The following RRAS2 variants were observed in gnomAD, a reference collection of about 807,000 sequenced individuals.
The protein encoded by RRAS2 is RAS related 2, also known as ras-related protein R-Ras2.
RRAS2 carries 7 observed loss-of-function variants against 27.6 expected under a neutral mutation model. The ratio of observed to expected loss-of-function variants is 0.25; its 90% confidence interval spans 0.14 to 0.48. The LOEUF (loss-of-function observed/expected upper bound fraction) is 0.48. RRAS2 is among the 20% of genes least tolerant of loss of function. The probability of loss-of-function intolerance (pLI) is 0.99; values close to 1 mark genes in which losing one functional copy is unlikely to be tolerated. For synonymous variants in RRAS2, 86 were observed against 90.9 expected (o/e 0.95, Z 0.31); for missense variants, 178 against 256.2 (o/e 0.69, Z 2.08).
At chr11:14,288,415 A>G (rs1389209319) in intron 4 of RRAS2, among the ~76,000 whole-genome samples, 2 of 152,268 alleles carry the variant, frequency 1.3e-5, no homozygotes, top group African/African-American at 4.8e-5. Context: ...TTAACTAAGT[A>G]GAAATAGCAT....
chr11:14,313,048 T>C (rs144210824), intron 1 of RRAS2, among the ~76,000 whole-genome samples: 15 of 152,354 alleles, frequency 9.8e-5, no homozygotes, highest in Middle Eastern at 6.8e-3. Context: ...AAATATCTTA[T>C]GGCACACAAA....
intron 1 of RRAS2, among the ~76,000 whole-genome samples, chr11:14,342,644 A>G (rs1053157302): frequency 4.6e-5 from 7 of 152,226 alleles, no homozygotes; most frequent in African/African-American, 1.7e-4. Flanking sequence ...GCTATAGAAC[A>G]TGATATTATA....
At chr11:14,290,997 T>C (rs1316308244) in intron 4 of RRAS2, among the ~76,000 whole-genome samples, 1 of 152,004 alleles carries the variant, frequency 6.6e-6, no homozygotes, top group Non-Finnish European at 1.5e-5. Context: ...TGTCCATGAG[T>C]TGGTGAGAAG....
rs2134048736 is a variant in RRAS2, at chr11:14,358,808, G to T, written c.63C>A (p.Gly21=). 1 of 1,488,616 alleles carries T rather than the reference G, an allele frequency of 6.7e-7. No homozygotes were observed. The highest frequency in any genetic ancestry group is 9.0e-7 in the Non-Finnish European group (1 of 1,113,010). 92.2% of individuals were successfully genotyped at this position (1,488,616 alleles called of 1,614,324 possible). A position where few individuals can be genotyped will look rare whatever the true frequency, so the allele number is the denominator to read the frequency against. Residue 21 remains glycine, a synonymous_variant, in exon 1 of 6, where the codon GGC becomes GGA. Coordinates refer to ENST00000256196, the MANE Select transcript of RRAS2 (RefSeq NM_012250.6). The surrounding 1 kb of genome is among the most constrained non-coding windows in gnomAD (Gnocchi z 5.1). The part of the protein sequence containing the change: ...GQEKYRLVVV[G]GGGVGKSALT... ...GCGCCGACTTGCCCACGCCGCCCCC[G>T]CCGACCACCACGAGCCGGTACTTCT... is the stretch of plus-strand genomic sequence containing the variant.
At chr11:14,310,579 G>C (rs191103176) in intron 1 of RRAS2, among the ~76,000 whole-genome samples, 7 of 152,268 alleles carry the variant, frequency 4.6e-5, no homozygotes, top group Admixed American at 4.6e-4. Context: ...CATAATAACA[G>C]TGACAGCAAG....
In RRAS2 at chr11:14,278,670, A is replaced by G. The variant is rs1201995022; in HGVS notation, c.*667T>C. 1 of 152,248 alleles carries G rather than the reference A, an allele frequency of 6.6e-6. No individual in the cohort carries two copies. The highest frequency in any genetic ancestry group is 1.5e-5 in the Non-Finnish European group (1 of 68,036). 9.4% of individuals were successfully genotyped at this position (152,248 alleles called of 1,614,324 possible). On this transcript the variant is annotated 3_prime_UTR_variant, in exon 6 of 6. Transcript: ENST00000256196. ...AAATTAAAAAATCAAGTACACTGAA[A>G]TATCTAAGTCCTAAATGAGTCCAAA...
chr11:14,306,680 T>G (rs1381800413), intron 1 of RRAS2, among the ~76,000 whole-genome samples: 1 of 152,164 alleles, frequency 6.6e-6, no homozygotes, highest in Non-Finnish European at 1.5e-5. Context: ...GCTGTTCTAC[T>G]GGGCTGACTG....
intron 1 of RRAS2, among the ~76,000 whole-genome samples, chr11:14,312,442 G>A (rs1479608756): frequency 6.6e-6 from 1 of 152,064 alleles, no homozygotes; most frequent in African/African-American, 2.4e-5. Flanking sequence ...TATTTTTAGA[G>A]ACAATCTTGC....
chr11:14,344,866 T>C lies in RRAS2; in HGVS notation c.108+13897A>G, dbSNP rs566869885. ...CACACATGATTTCTGAAATCCAAAA[T>C]GATAGCCAGCTCTTTCTCTTCTTCA... is the stretch of plus-strand genomic sequence containing the variant. On this transcript the variant is annotated intron_variant, in intron 1 of 5. Transcript: ENST00000256196. Among the ~76,000 whole-genome samples, 23 of 152,158 alleles carry C rather than the reference T, an allele frequency of 1.5e-4. No homozygotes were observed. The South Asian group carries it at 4.4e-3, about 29-fold the overall frequency.
intron 1 of RRAS2, among the ~76,000 whole-genome samples, chr11:14,355,250 G>T (rs1430926549): frequency 6.6e-6 from 1 of 151,772 alleles, no homozygotes; most frequent in African/African-American, 2.4e-5. Context: ...AAGCTCAGTC[G>T]AGATAAAGGC....
rs529481468 is a variant in RRAS2, at chr11:14,359,112, G to A, written c.-242C>T. On this transcript the variant is annotated 5_prime_UTR_variant, in exon 1 of 6. Transcript: ENST00000256196. ...CGGGCCAGGGGCGGCAGCGGCCGGG[G>A]GGCGCGCTCCTCTACGCGTCTCCGC... 308 of 1,056,052 alleles carry A rather than the reference G, an allele frequency of 2.9e-4. 3 individuals are homozygous for A. The East Asian group carries it at 0.018, about 62-fold the overall frequency. 65.4% of individuals were successfully genotyped at this position (1,056,052 alleles called of 1,614,324 possible).
chr11:14,352,752 T>TAGAG (rs1364375183), intron 1 of RRAS2, among the ~76,000 whole-genome samples: 8 of 127,196 alleles, frequency 6.3e-5, no homozygotes, highest in South Asian at 2.6e-4. Context: ...AAAATATATA[T>TAGAG]ATATAGAGAG....
At position 14,326,827 on chromosome 11, in the gene RRAS2, G is replaced by A. The variant is rs1404908542; in HGVS notation, c.109-30972C>T. ...TGTAATCCCAGCACTTTGGGAGGCC[G>A]AGGCGGGCGGATCACGAGGTCAGGA... On this transcript the variant is annotated intron_variant, in intron 1 of 5. Transcript: ENST00000256196. Among the ~76,000 whole-genome samples the A allele has an allele frequency of 2.5e-3, 41 of 16,258 alleles. 16 individuals are homozygous for A. Among genetic ancestry groups the A allele is most frequent in the Non-Finnish European group, 0.01 (38 of 3,630 alleles). 10.7% of individuals were successfully genotyped at this position (16,258 alleles called of 152,430 possible).
At chr11:14,323,544 C>A (rs558870983) in intron 1 of RRAS2, among the ~76,000 whole-genome samples, 5 of 152,072 alleles carry the variant, frequency 3.3e-5, no homozygotes, top group Admixed American at 2.6e-4. Flanking sequence ...CTCTTCCCCC[C>A]ACCGGCACAC....
intron 5 of RRAS2, 64 bp from the exon 6 acceptor site, chr11:14,279,488 T>C (rs1849461793): frequency 5.2e-6 from 6 of 1,162,868 alleles, no homozygotes; most frequent in Middle Eastern, 1.9e-4. Context: ...CAAACACAGG[T>C]TATTTTTTGT....
upstream of RRAS2, among the ~76,000 whole-genome samples, chr11:14,364,122 T>C (rs1849223841): frequency 6.6e-6 from 1 of 152,162 alleles, no homozygotes; most frequent in Non-Finnish European, 1.5e-5. Context: ...CAAGAACTCT[T>C]AGAGGAGGGT....
At chr11:14,296,544 T>C (rs990750571) in intron 1 of RRAS2, among the ~76,000 whole-genome samples, 3 of 152,216 alleles carry the variant, frequency 2.0e-5, no homozygotes, top group Admixed American at 6.5e-5. Flanking sequence ...AGCAACCTGA[T>C]TATAATCATC....
intron 1 of RRAS2, among the ~76,000 whole-genome samples, chr11:14,310,937 G>A (rs1554948790): frequency 6.6e-6 from 1 of 152,198 alleles, no homozygotes; most frequent in African/African-American, 2.4e-5. Context: ...AAAGGGATTA[G>A]CCAAGAACCA....
chr11:14,351,128 G>GC (rs1458939673), intron 1 of RRAS2, among the ~76,000 whole-genome samples: 8 of 151,980 alleles, frequency 5.3e-5, no homozygotes, highest in Non-Finnish European at 1.2e-4. Context: ...TATTATTTCT[G>GC]CCCCCCAAAA....
Sources: gnomAD v4.1 joint callset for allele counts (sites outside exome capture counted in the v4.1 genomes callset) on GRCh38, gnomAD v4.1.1 for gene constraint, Gnocchi (gnomAD v3.1) non-coding constraint, MANE v1.5 for transcripts, NCBI Gene and HGNC (gene_info 2026-07-23, HGNC 2026-07-21) for gene names.